The following RBPMS variants were observed in gnomAD, a reference collection of about 807,000 sequenced individuals.
RBPMS encodes the protein RNA binding protein, mRNA processing factor, also known as RNA-binding protein with multiple splicing.
A neutral mutation model predicts 26.8 loss-of-function variants in RBPMS; 7 were observed. That is an observed-to-expected ratio of 0.26 (90% CI 0.15 to 0.49). The LOEUF is 0.49. Among genes scored for constraint, RBPMS ranks in the 20% least tolerant of loss-of-function variants. The pLI, the probability that RBPMS is intolerant of heterozygous loss-of-function variation, is 0.98. For missense variants in RBPMS, 186 were observed against 250.0 expected (o/e 0.74, Z 1.73); for synonymous variants, 96 against 93.3 (o/e 1.03, Z -0.17).
At chr8:30,465,451 G>T (rs1261952861) in intron 1 of RBPMS, among the ~76,000 whole-genome samples, 2 of 152,138 alleles carry the variant, frequency 1.3e-5, no homozygotes, top group African/African-American at 4.8e-5. Flanking sequence ...TTAGATATAT[G>T]GCAGACATGA....
chr8:30,458,384 C>G (rs1226016860), intron 1 of RBPMS, among the ~76,000 whole-genome samples: 1 of 152,104 alleles, frequency 6.6e-6, no homozygotes, highest in Non-Finnish European at 1.5e-5. Flanking sequence ...CTTAGCAACC[C>G]TGAGAGGTAG....
chr8:30,518,591 A>G (rs1291000904), intron 5 of RBPMS, among the ~76,000 whole-genome samples: 2 of 127,692 alleles, frequency 1.6e-5, no homozygotes, highest in African/African-American at 6.0e-5. Flanking sequence ...ACGCCCAGCT[A>G]TTTTTTTTGT....
At chr8:30,502,139 C>CTTTTTTTT (rs34541775) in intron 4 of RBPMS, among the ~76,000 whole-genome samples, 1 of 132,090 alleles carries the variant, frequency 7.6e-6, no homozygotes, top group African/African-American at 2.9e-5. Context: ...AACTTCTGAG[C>CTTTTTTTT]TTTTTTTTTT....
intron 5 of RBPMS, among the ~76,000 whole-genome samples, chr8:30,536,393 C>T (rs1234631563): frequency 1.3e-5 from 2 of 152,172 alleles, no homozygotes; most frequent in Non-Finnish European, 2.9e-5. Flanking sequence ...TCCCAAAGTG[C>T]TGGGACTATA....
chr8:30,549,230 G>A (rs1290811005), intron 6 of RBPMS, among the ~76,000 whole-genome samples: 1 of 152,222 alleles, frequency 6.6e-6, no homozygotes, highest in South Asian at 2.1e-4. Flanking sequence ...TAAGGCAGGA[G>A]TCCGGAGATT....
intron 4 of RBPMS, among the ~76,000 whole-genome samples, chr8:30,497,996 G>A (rs6982511): frequency 4.7e-5 from 7 of 150,478 alleles, no homozygotes; most frequent in Admixed American, 1.3e-4. Context: ...GGAGTTGGCC[G>A]TGGAGGAAGG....
At chr8:30,498,151 T>G (rs1820183115) in intron 4 of RBPMS, among the ~76,000 whole-genome samples, 1 of 151,696 alleles carries the variant, frequency 6.6e-6, no homozygotes, top group Admixed American at 6.6e-5. Flanking sequence ...ATCTACTGGA[T>G]CAACAGATCA....
At chr8:30,563,060 G>T (rs1363124435) in intron 7 of RBPMS, among the ~76,000 whole-genome samples, 1 of 152,226 alleles carries the variant, frequency 6.6e-6, no homozygotes, top group Non-Finnish European at 1.5e-5. Context: ...CACATGTACA[G>T]GAGAGGGAGT....
chr8:30,556,423 G>A (rs1337792784), intron 6 of RBPMS: 1 of 985,712 alleles, frequency 1.0e-6, no homozygotes, highest in East Asian at 1.1e-4. Flanking sequence ...CAGAGAGGCT[G>A]GGGCAGGGCT....
chr8:30,527,084 ATTTCCAGCACCATTTGCCCC>A (rs1282309808), intron 5 of RBPMS, among the ~76,000 whole-genome samples: 16 of 152,166 alleles, frequency 1.1e-4, no homozygotes, highest in Non-Finnish European at 1.8e-4. Context: ...ACCTCTATTT[ATTTCCAGCACCATTTGCCCC>A]TTTGGACCTG....
chr8:30,446,676 G>T (rs1464653181), intron 1 of RBPMS, among the ~76,000 whole-genome samples: 1 of 152,054 alleles, frequency 6.6e-6, no homozygotes, highest in Admixed American at 6.6e-5. Flanking sequence ...CATTGCCTAG[G>T]CTGGAGTGCA....
chr8:30,443,995 C>G (rs1813439321), intron 1 of RBPMS, among the ~76,000 whole-genome samples: 1 of 152,146 alleles, frequency 6.6e-6, no homozygotes, highest in Non-Finnish European at 1.5e-5. Context: ...CTCCCAGGTT[C>G]AAGCGATTCT....
chr8:30,475,330 A>C (rs1188921778), intron 2 of RBPMS, among the ~76,000 whole-genome samples: 1 of 152,232 alleles, frequency 6.6e-6, no homozygotes, highest in African/African-American at 2.4e-5. Flanking sequence ...ATAGATACTT[A>C]ATGTTGCTAG....
chr8:30,392,861 T>C (rs557952484), intron 1 of RBPMS, among the ~76,000 whole-genome samples: 7 of 151,248 alleles, frequency 4.6e-5, no homozygotes, highest in Non-Finnish European at 1.0e-4. Flanking sequence ...AAGATGTTAC[T>C]GAGTCTGGGG....
At chr8:30,470,097 T>C (rs1344544506) in intron 1 of RBPMS, among the ~76,000 whole-genome samples, 2 of 152,060 alleles carry the variant, frequency 1.3e-5, no homozygotes, top group African/African-American at 2.4e-5. Flanking sequence ...ATTTCTGTGA[T>C]TCTAGGCCGG....
At chr8:30,392,224 A>C (rs961850988) in intron 1 of RBPMS, among the ~76,000 whole-genome samples, 2 of 152,160 alleles carry the variant, frequency 1.3e-5, no homozygotes, top group African/African-American at 4.8e-5. Context: ...AAGAAGTTTA[A>C]AGAGTCAGTT....
chr8:30,487,152 ATGTCTTGAC>A (rs1373441277), intron 4 of RBPMS, among the ~76,000 whole-genome samples: 2 of 152,234 alleles, frequency 1.3e-5, no homozygotes, highest in South Asian at 2.1e-4. Context: ...CTTAATCTTA[ATGTCTTGAC>A]TGTCTTGACT....
At chr8:30,389,980 CTA>C (rs1317187533) in intron 1 of RBPMS, among the ~76,000 whole-genome samples, 2 of 152,038 alleles carry the variant, frequency 1.3e-5, no homozygotes, top group Admixed American at 6.6e-5. Context: ...ATTCTGAAGA[CTA>C]TATTTTTATT....
chr8:30,510,172 C>G (rs186767150), intron 5 of RBPMS, among the ~76,000 whole-genome samples: 8 of 152,226 alleles, frequency 5.3e-5, no homozygotes, highest in African/African-American at 1.7e-4. Flanking sequence ...GGCACAGATA[C>G]GCTTGCTAGA....
Sources: allele counts gnomAD v4.1 joint callset (sites outside exome capture counted in the v4.1 genomes callset), GRCh38; gene constraint gnomAD v4.1.1; transcripts MANE v1.5; gene names NCBI Gene and HGNC (gene_info 2026-07-23, HGNC 2026-07-21).